ROBO2: variants seen among roughly 807,000 people sequenced by gnomAD.
ROBO2 encodes the protein roundabout homolog 2.
Under a neutral mutation model 160.8 loss-of-function variants are expected in ROBO2, and 53 were observed. That is an observed-to-expected ratio of 0.33 (90% CI 0.26 to 0.41). ROBO2 has a LOEUF of 0.41. Among genes scored for constraint, ROBO2 ranks in the 10% least tolerant of loss-of-function variants. The pLI, the probability that ROBO2 is intolerant of heterozygous loss-of-function variation, is 1.00. For synonymous variants in ROBO2, 664 were observed against 611.7 expected (o/e 1.09, Z -1.26); for missense variants, 1,577 against 1,722.4 (o/e 0.92, Z 1.49).
Position 76,024,248 on chromosome 3 carries a change from A to G in ROBO2, c.109+86646A>G, listed in dbSNP as rs541341015. Among the ~76,000 whole-genome samples, 7 of 151,660 alleles carry G rather than the reference A, an allele frequency of 4.6e-5. 1 individual carries two copies. In the South Asian group the frequency reaches 1.2e-3, roughly 27 times the overall value. ...GAAAATGACCCCTTAAATCGATTAT[A>G]CTTTAAAAGGAAAGACGCCTGTTTT... On this transcript the variant is annotated intron_variant, in intron 2 of 26. Transcript: ENST00000487694.
At chr3:76,079,468 T>A (rs80189109) in intron 2 of ROBO2, among the ~76,000 whole-genome samples, 22,828 of 142,808 alleles carry the variant, frequency 0.16, 1,909 homozygotes, top group African/African-American at 0.19. Flanking sequence ...TTTATTTATT[T>A]ATTATTATTA....
chr3:76,458,311 G>C (rs1177093591), intron 2 of ROBO2, among the ~76,000 whole-genome samples: 2 of 152,032 alleles, frequency 1.3e-5, no homozygotes, highest in African/African-American at 4.8e-5. Flanking sequence ...ACAATCTGTA[G>C]GGCACGGGCA....
chr3:77,303,785 A>G (rs2062858884), intron 2 of ROBO2, among the ~76,000 whole-genome samples: 1 of 151,960 alleles, frequency 6.6e-6, no homozygotes. Context: ...TTGACAATGA[A>G]ATATTTTATA....
intron 2 of ROBO2, among the ~76,000 whole-genome samples, chr3:77,447,860 A>G (rs1167612113): frequency 6.6e-6 from 1 of 152,168 alleles, no homozygotes; most frequent in African/African-American, 2.4e-5. Context: ...GAAAGATTGT[A>G]AGAGATGGTG....
intron 6 of ROBO2, among the ~76,000 whole-genome samples, chr3:77,543,274 T>C (rs543294731): frequency 6.6e-6 from 1 of 152,338 alleles, no homozygotes; most frequent in East Asian, 1.9e-4. Flanking sequence ...TGTGTATTTA[T>C]TTATATATTT....
chr3:76,431,186 C>T (rs1008515728), intron 2 of ROBO2, among the ~76,000 whole-genome samples: 2 of 151,984 alleles, frequency 1.3e-5, no homozygotes, highest in Non-Finnish European at 2.9e-5. Flanking sequence ...GTAAATATAA[C>T]CGCATCTTTG....
intron 2 of ROBO2, among the ~76,000 whole-genome samples, chr3:76,636,916 G>T (rs965066892): frequency 6.6e-6 from 1 of 150,934 alleles, no homozygotes; most frequent in Non-Finnish European, 1.5e-5. Flanking sequence ...TGAGGGGAAG[G>T]AGGACAAAGT....
rs140951568 is a variant in ROBO2, at chr3:76,100,938, T to C, written c.109+163336T>C. Reference sequence around the variant, plus strand: ...ACAATTGTGAGCAAAGCGGGCATGGTCGTGGCTCACTGAATTTACAACTTA... The same window carrying C: ...ACAATTGTGAGCAAAGCGGGCATGGCCGTGGCTCACTGAATTTACAACTTA... On this transcript the variant is annotated intron_variant, in intron 2 of 26. Transcript: ENST00000487694. Among the ~76,000 whole-genome samples, 419 of 152,296 alleles carry C rather than the reference T, an allele frequency of 2.8e-3. 3 individuals are homozygous for C. Among genetic ancestry groups the C allele is most frequent in the Middle Eastern group, 0.014 (4 of 294 alleles).
At chr3:75,984,027 A>G (rs2065346720) in intron 2 of ROBO2, among the ~76,000 whole-genome samples, 1 of 151,428 alleles carries the variant, frequency 6.6e-6, no homozygotes, top group Non-Finnish European at 1.5e-5. Flanking sequence ...GTAGGGAGAT[A>G]CCTAAATATT....
chr3:76,735,741 C>T (rs1318536997), intron 2 of ROBO2, among the ~76,000 whole-genome samples: 5 of 112,424 alleles, frequency 4.4e-5, no homozygotes, highest in Admixed American at 4.2e-4. Flanking sequence ...CCCAGGGTGA[C>T]GGAGGGAGAC....
intron 2 of ROBO2, among the ~76,000 whole-genome samples, chr3:76,729,386 A>G (rs767698598): frequency 1.5e-4 from 23 of 152,136 alleles, no homozygotes; most frequent in Non-Finnish European, 2.2e-4. Flanking sequence ...TTTTGCAATA[A>G]TTCACCACTC....
intron 2 of ROBO2, among the ~76,000 whole-genome samples, chr3:77,291,074 A>G (rs2061165115): frequency 6.6e-6 from 1 of 150,780 alleles, no homozygotes; most frequent in Non-Finnish European, 1.5e-5. Context: ...ATCACCCCAG[A>G]CGTAAAGTAA....
At chr3:75,952,550 G>C (rs1257110624) in intron 2 of ROBO2, among the ~76,000 whole-genome samples, 1 of 151,862 alleles carries the variant, frequency 6.6e-6, no homozygotes, top group Non-Finnish European at 1.5e-5. Context: ...GTCATCCTCA[G>C]CCTCTACCCC....
intron 2 of ROBO2, among the ~76,000 whole-genome samples, chr3:76,467,180 G>A (rs2078408884): frequency 6.6e-6 from 1 of 152,004 alleles, no homozygotes; most frequent in Non-Finnish European, 1.5e-5. Flanking sequence ...CAAGCCATTG[G>A]ATGGCAGATA....
chr3:77,496,077 C>A (rs1354916079), intron 5 of ROBO2, among the ~76,000 whole-genome samples: 1 of 152,164 alleles, frequency 6.6e-6, no homozygotes, highest in Non-Finnish European at 1.5e-5. Context: ...GGCCACTAAA[C>A]AACAAGGTTG....
At chr3:77,584,552 TTG>T (rs1174996890) in intron 16 of ROBO2, among the ~76,000 whole-genome samples, 7 of 152,302 alleles carry the variant, frequency 4.6e-5, no homozygotes, top group African/African-American at 1.7e-4. Flanking sequence ...CAAATAAGTA[TTG>T]TATATGGACA....
At chr3:76,707,731 G>GTGTATGTATATATATATA (rs376823667) in intron 2 of ROBO2, among the ~76,000 whole-genome samples, 1 of 134,198 alleles carries the variant, frequency 7.5e-6, no homozygotes, top group Non-Finnish European at 1.6e-5. Context: ...ACATGTGTGT[G>GTGTATGTATATATATATA]TATATATATA....
At chr3:76,480,029 AAAGGAGGAAG>A (rs59702877) in intron 2 of ROBO2, among the ~76,000 whole-genome samples, 59,750 of 151,532 alleles carry the variant, frequency 0.39, 12,427 homozygotes, top group East Asian at 0.58. Context: ...TTAAATAGAA[AAAGGAGGAAG>A]AAGGAGGATG....
rs560413058 is a variant in ROBO2, at chr3:75,940,134, A to C, written c.109+2532A>C. Among the ~76,000 whole-genome samples the C allele has an allele frequency of 4.5e-4, 69 of 152,314 alleles. 1 individual carries two copies. The South Asian group carries it at 0.013, about 29-fold the overall frequency. On this transcript the variant is annotated intron_variant, in intron 2 of 26. Transcript: ENST00000487694. ...ATATTTATGAATAGACTATGTTCTA[A>C]ATGTTTAAGTCACTGGGGAGTCCCA...
Sources: gnomAD v4.1 joint callset for allele counts (sites outside exome capture counted in the v4.1 genomes callset) on GRCh38, gnomAD v4.1.1 for gene constraint, MANE v1.5 for transcripts, NCBI Gene and HGNC (gene_info 2026-07-23, HGNC 2026-07-21) for gene names.